Variants in IMMP2L observed in about 807,000 individuals in gnomAD.
IMMP2L encodes the protein mitochondrial inner membrane protease subunit 2.
In IMMP2L, 18 loss-of-function variants were observed where a neutral mutation model predicts 19.3. The ratio of observed to expected loss-of-function variants is 0.93; its 90% CI spans 0.64 to 1.38. IMMP2L has a LOEUF of 1.38. IMMP2L is among the 40% of genes most tolerant of loss of function. The pLI, the probability that IMMP2L is intolerant of heterozygous loss-of-function variation, is 0.00. For missense variants in IMMP2L, 233 were observed against 218.2 expected, an observed-to-expected ratio of 1.07 and a Z score of -0.43; for synonymous variants, 76 against 73.0, an observed-to-expected ratio of 1.04 and a Z score of -0.21.
At chr7:110,975,887 T>C (rs1820637388) in intron 3 of IMMP2L, among the ~76,000 whole-genome samples, 2 of 152,136 alleles carry the variant, frequency 1.3e-5, no homozygotes, top group African/African-American at 4.8e-5. Flanking sequence ...TTTAGTCACA[T>C]TAAACTCAGT....
At chr7:111,402,690 G>C (rs1341599649) in intron 3 of IMMP2L, among the ~76,000 whole-genome samples, 1 of 152,008 alleles carries the variant, frequency 6.6e-6, no homozygotes, top group Non-Finnish European at 1.5e-5. Flanking sequence ...TCCAGCCTGG[G>C]TGACAGAGTG....
intron 3 of IMMP2L, among the ~76,000 whole-genome samples, chr7:111,337,537 G>C (rs1348624426): frequency 6.6e-6 from 1 of 151,992 alleles, no homozygotes; most frequent in African/African-American, 2.4e-5. Context: ...ATGGACAGTT[G>C]AATGGGCAGG....
At chr7:111,532,499 C>A (rs1385396411) in intron 1 of IMMP2L, 2 of 152,102 alleles carry the variant, frequency 1.3e-5, no homozygotes, top group African/African-American at 4.8e-5. Context: ...AATGCCATAT[C>A]AACTCAAGTC....
intron 1 of IMMP2L, among the ~76,000 whole-genome samples, chr7:111,550,182 T>C (rs1208193847): frequency 6.6e-6 from 1 of 151,812 alleles, no homozygotes; most frequent in Non-Finnish European, 1.5e-5. Flanking sequence ...GCAATACCAA[T>C]AAAACTAAAA....
chr7:111,153,533 T>G (rs1045810937), intron 3 of IMMP2L, among the ~76,000 whole-genome samples: 2 of 152,048 alleles, frequency 1.3e-5, no homozygotes, highest in Admixed American at 1.3e-4. Flanking sequence ...AATTGACCAG[T>G]TTATGTATAA....
intron 3 of IMMP2L, among the ~76,000 whole-genome samples, chr7:111,109,058 T>TATA (rs994382462): frequency 6.6e-6 from 1 of 152,190 alleles, no homozygotes; most frequent in African/African-American, 2.4e-5. Context: ...TTAAATGATC[T>TATA]ATAAAGAAAA....
intron 3 of IMMP2L, among the ~76,000 whole-genome samples, chr7:111,074,929 G>C (rs144583776): frequency 0.01 from 1,552 of 152,132 alleles, 13 homozygotes; most frequent in Non-Finnish European, 0.017. Context: ...CTTTGGCAAC[G>C]TGCAAGTGAC....
intron 3 of IMMP2L, among the ~76,000 whole-genome samples, chr7:111,080,490 T>G (rs1795797204): frequency 9.4e-6 from 1 of 106,806 alleles, no homozygotes; most frequent in Non-Finnish European, 2.0e-5. Context: ...GTATTATATA[T>G]TATGTGTGTA....
chr7:111,163,407 GC>G (rs1805477711), intron 3 of IMMP2L, among the ~76,000 whole-genome samples: 1 of 152,054 alleles, frequency 6.6e-6, no homozygotes, highest in Non-Finnish European at 1.5e-5. Context: ...CTTCCCTACT[GC>G]AACTATTTAT....
At chr7:111,342,346 C>T (rs1355801815) in intron 3 of IMMP2L, among the ~76,000 whole-genome samples, 1 of 152,186 alleles carries the variant, frequency 6.6e-6, no homozygotes, top group Non-Finnish European at 1.5e-5. Flanking sequence ...GTAATCCCAG[C>T]ACCTTGGGAG....
intron 3 of IMMP2L, among the ~76,000 whole-genome samples, chr7:111,465,182 C>T (rs1840514447): frequency 6.6e-6 from 1 of 152,132 alleles, no homozygotes; most frequent in South Asian, 2.1e-4. Flanking sequence ...ATAATGGGCT[C>T]TCTGACCCCT....
At chr7:111,297,560 C>G (rs540781560) in intron 3 of IMMP2L, among the ~76,000 whole-genome samples, 12 of 151,970 alleles carry the variant, frequency 7.9e-5, no homozygotes, top group Non-Finnish European at 1.3e-4. Context: ...TCCATTCCTA[C>G]GTATTTACCA....
At chr7:111,443,819 C>T (rs1295753169) in intron 3 of IMMP2L, among the ~76,000 whole-genome samples, 5 of 151,916 alleles carry the variant, frequency 3.3e-5, no homozygotes, top group Non-Finnish European at 7.4e-5. Context: ...TTTTTCTCTA[C>T]AGCCACAGTG....
At chr7:110,733,367 T>G (rs1441934884) in intron 5 of IMMP2L, among the ~76,000 whole-genome samples, 1 of 152,068 alleles carries the variant, frequency 6.6e-6, no homozygotes, top group Non-Finnish European at 1.5e-5. Flanking sequence ...CAAGGGAACC[T>G]CTGCGAGTCT....
intron 3 of IMMP2L, among the ~76,000 whole-genome samples, chr7:111,172,243 G>A (rs964500011): frequency 6.6e-6 from 1 of 151,318 alleles, no homozygotes; most frequent in African/African-American, 2.4e-5. Context: ...TCAACATTGA[G>A]TGCTTTCGAG....
At chr7:110,925,248 G>T (rs1188931790) in intron 4 of IMMP2L, among the ~76,000 whole-genome samples, 2 of 152,040 alleles carry the variant, frequency 1.3e-5, no homozygotes, top group Non-Finnish European at 2.9e-5. Flanking sequence ...ATTTGGATAT[G>T]TGGTCTTAAA....
chr7:111,310,022 G>T (rs563925233), intron 3 of IMMP2L, among the ~76,000 whole-genome samples: 16 of 152,116 alleles, frequency 1.1e-4, no homozygotes, highest in African/African-American at 3.6e-4. Context: ...ATCACCTGAG[G>T]TTAGGAGTTC....
intron 2 of IMMP2L, among the ~76,000 whole-genome samples, chr7:111,514,367 G>C (rs1377176299): frequency 6.6e-6 from 1 of 152,138 alleles, no homozygotes; most frequent in East Asian, 1.9e-4. Context: ...CGGGGCCTGT[G>C]GTGGGGTTGG....
At chr7:111,151,445 G>A (rs985562494) in intron 3 of IMMP2L, among the ~76,000 whole-genome samples, 4 of 152,042 alleles carry the variant, frequency 2.6e-5, no homozygotes, top group Non-Finnish European at 5.9e-5. Context: ...AATGAGAGAG[G>A]GGGAGGAAGA....
Sources: gnomAD v4.1 joint callset for allele counts (sites outside exome capture counted in the v4.1 genomes callset) on GRCh38, gnomAD v4.1.1 for gene constraint, MANE v1.5 for transcripts, NCBI Gene and HGNC (gene_info 2026-07-23, HGNC 2026-07-21) for gene names.